DGKB: variants seen among roughly 807,000 people sequenced by gnomAD.
DGKB encodes 90 kDa diacylglycerol kinase.
Under a neutral mutation model 114.3 loss-of-function variants are expected in DGKB, and 67 were observed. The observed-to-expected ratio is 0.59, with a 90% CI of 0.48 to 0.72. The LOEUF (loss-of-function observed/expected upper bound fraction) is 0.72, where lower values mean the gene tolerates loss of function less well. Among genes scored for constraint, DGKB ranks in the 30% least tolerant of loss-of-function variants. The probability of loss-of-function intolerance (pLI) is 0.00; values close to 1 mark genes in which losing one functional copy is unlikely to be tolerated. For missense variants in DGKB, 907 were observed against 975.2 expected (o/e 0.93, Z 0.93); for synonymous variants, 398 against 323.1 (o/e 1.23, Z -2.49).
At chr7:14,573,948 A>G (rs1310504787) in intron 20 of DGKB, among the ~76,000 whole-genome samples, 1 of 152,118 alleles carries the variant, frequency 6.6e-6, no homozygotes, top group Non-Finnish European at 1.5e-5. Flanking sequence ...AACACAAATA[A>G]ACCAATTACA....
At chr7:14,919,101 C>CAT (rs1403689936) in intron 1 of DGKB, among the ~76,000 whole-genome samples, 2 of 140,950 alleles carry the variant, frequency 1.4e-5, no homozygotes, top group Non-Finnish European at 3.2e-5. Flanking sequence ...CACAAACACA[C>CAT]ACACACACAC....
In DGKB at chr7:14,852,488, A is replaced by AAAAAAAAAAAAACAAAAAAC. The variant is rs1554304271; in HGVS notation, c.-187-11039_-187-11038insGTTTTTTGTTTTTTTTTTTT. Reference sequence around the variant, plus strand: ...AGGAATAGCTAAAATAGTGAAAGTCAAAAAAAAAACAGAAATCAAGCATAG... The same window carrying AAAAAAAAAAAAACAAAAAAC: ...AGGAATAGCTAAAATAGTGAAAGTCAAAAAAAAAAAAACAAAAAACAAAAAAAAACAGAAATCAAGCATAG... On this transcript the variant is annotated intron_variant, in intron 1 of 25. Transcript: ENST00000402815. 1.4e-4 allele frequency among the ~76,000 whole-genome samples: 7 copies of AAAAAAAAAAAAACAAAAAAC among 50,496 alleles called. No individual in the cohort carries two copies. The East Asian group carries it at 3.0e-3, about 22-fold the overall frequency. 33.1% of individuals were successfully genotyped at this position (50,496 alleles called of 152,430 possible).
intron 23 of DGKB, among the ~76,000 whole-genome samples, chr7:14,285,834 A>T (rs906558638): frequency 6.6e-6 from 1 of 152,176 alleles, no homozygotes; most frequent in African/African-American, 2.4e-5. Context: ...TTGGCCTTAA[A>T]ATCCCTAATG....
intron 21 of DGKB, among the ~76,000 whole-genome samples, chr7:14,385,383 G>A (rs376713271): frequency 2.6e-5 from 4 of 152,300 alleles, no homozygotes; most frequent in Admixed American, 2.0e-4. Flanking sequence ...TGATGAGGCT[G>A]CTATTTGTAG....
intron 21 of DGKB, among the ~76,000 whole-genome samples, chr7:14,441,075 G>A (rs184206038): frequency 4.8e-4 from 73 of 151,782 alleles, no homozygotes; most frequent in African/African-American, 1.4e-3. Context: ...GGAGTACAGC[G>A]GCATGATCCT....
intron 21 of DGKB, among the ~76,000 whole-genome samples, chr7:14,354,426 AG>A (rs1161523987): frequency 1.3e-5 from 2 of 152,212 alleles, no homozygotes; most frequent in East Asian, 3.9e-4. Context: ...TCTTTCTGGT[AG>A]AATAGAAATT....
intron 20 of DGKB, among the ~76,000 whole-genome samples, chr7:14,509,898 C>T (rs1353809823): frequency 6.6e-6 from 1 of 152,190 alleles, no homozygotes; most frequent in Non-Finnish European, 1.5e-5. Flanking sequence ...AATCACTTGG[C>T]CAGGCATGGT....
chr7:14,364,702 G>A (rs1816348273), intron 21 of DGKB, among the ~76,000 whole-genome samples: 1 of 151,940 alleles, frequency 6.6e-6, no homozygotes, highest in South Asian at 2.1e-4. Context: ...CAATAGTAAG[G>A]AAATAGCTAA....
At chr7:14,285,735 T>A (rs2128463506) in intron 23 of DGKB, among the ~76,000 whole-genome samples, 1 of 152,272 alleles carries the variant, frequency 6.6e-6, no homozygotes, top group African/African-American at 2.4e-5. Context: ...GGTACATCTA[T>A]GTATGTAGGA....
intron 20 of DGKB, among the ~76,000 whole-genome samples, chr7:14,567,197 AT>A (rs1372738601): frequency 1.2e-5 from 1 of 81,216 alleles, no homozygotes; most frequent in Admixed American, 2.2e-4. Context: ...ATATTTATAT[AT>A]TATATATATT....
intron 13 of DGKB, among the ~76,000 whole-genome samples, chr7:14,649,966 C>A (rs905669104): frequency 1.3e-5 from 2 of 148,806 alleles, no homozygotes; most frequent in African/African-American, 5.0e-5. Context: ...TATATATGCA[C>A]CCAATACAGG....
chr7:14,658,891 A>G (rs894231748), intron 13 of DGKB, among the ~76,000 whole-genome samples: 18 of 151,782 alleles, frequency 1.2e-4, no homozygotes, highest in Non-Finnish European at 4.4e-5. Context: ...TGGTATTTTT[A>G]TTAACTCTAT....
At chr7:14,572,978 TG>T (rs147742842) in intron 20 of DGKB, among the ~76,000 whole-genome samples, 15,655 of 151,990 alleles carry the variant, frequency 0.1, 994 homozygotes, top group East Asian at 0.32. Context: ...TTCCTGAAAC[TG>T]GGAAAAAGAG....
chr7:14,199,630 C>T (rs1257451971), intron 23 of DGKB, among the ~76,000 whole-genome samples: 1 of 151,934 alleles, frequency 6.6e-6, no homozygotes, highest in East Asian at 1.9e-4. Flanking sequence ...AGGCATAAGG[C>T]ATTGTAGAGC....
intron 2 of DGKB, among the ~76,000 whole-genome samples, chr7:14,770,860 G>A (rs1837304489): frequency 6.6e-6 from 1 of 152,084 alleles, no homozygotes; most frequent in African/African-American, 2.4e-5. Flanking sequence ...AAAGCGGATA[G>A]AGCCAGTGCT....
At chr7:14,306,899 G>A (rs1804573354) in intron 23 of DGKB, among the ~76,000 whole-genome samples, 2 of 152,108 alleles carry the variant, frequency 1.3e-5, no homozygotes, top group Non-Finnish European at 2.9e-5. Context: ...GGAATAACAT[G>A]AGCATTCCTC....
intron 1 of DGKB, among the ~76,000 whole-genome samples, chr7:14,866,150 G>C (rs189649143): frequency 6.6e-6 from 1 of 152,096 alleles, no homozygotes; most frequent in Non-Finnish European, 1.5e-5. Context: ...TAAGAGGAAG[G>C]TACGGCGATT....
At chr7:14,288,788 A>T (rs1029356528) in intron 23 of DGKB, among the ~76,000 whole-genome samples, 1 of 152,134 alleles carries the variant, frequency 6.6e-6, no homozygotes, top group African/African-American at 2.4e-5. Context: ...ACCAGCTGGA[A>T]ACCTCCCCAC....
upstream of DGKB, among the ~76,000 whole-genome samples, chr7:14,907,656 T>G (rs73287019): frequency 0.029 from 4,476 of 152,296 alleles, 224 homozygotes; most frequent in African/African-American, 0.1. Context: ...TATATGACTT[T>G]CAAATTATTC....
Sources: gnomAD v4.1 joint callset for allele counts (sites outside exome capture counted in the v4.1 genomes callset) on GRCh38, gnomAD v4.1.1 for gene constraint, MANE v1.5 for transcripts, NCBI Gene and HGNC (gene_info 2026-07-23, HGNC 2026-07-21) for gene names.